Variants in RNF19A observed in about 807,000 individuals in gnomAD.
RNF19A encodes E3 ubiquitin-protein ligase RNF19A.
In RNF19A, 32 loss-of-function variants were observed where a neutral mutation model predicts 75.7. The observed-to-expected ratio is 0.42, with a 90% CI of 0.32 to 0.57. RNF19A has a LOEUF of 0.57. Among genes scored for constraint, RNF19A ranks in the 20% least tolerant of loss-of-function variants. The pLI is 0.10. For synonymous variants in RNF19A, 335 were observed against 345.2 expected, an observed-to-expected ratio of 0.97 and a Z score of 0.33; for missense variants, 782 against 1,036.3, an observed-to-expected ratio of 0.75 and a Z score of 3.37.
intron 1 of RNF19A, among the ~76,000 whole-genome samples, chr8:100,306,264 C>T (rs1013275823): frequency 3.3e-5 from 5 of 152,136 alleles, no homozygotes; most frequent in Non-Finnish European, 7.4e-5. Context: ...GATTTCTGAG[C>T]AGGATTTTTG....
Position 100,259,195 on chromosome 8 carries a change from T to C in RNF19A, c.1878A>G (p.Lys626=). 6.2e-7 allele frequency: 1 copy of C among 1,613,854 alleles called. No homozygotes were observed. The highest frequency in any genetic ancestry group is 8.5e-7 in the Non-Finnish European group (1 of 1,179,998). The change falls in exon 10 of 10, where the codon AAA becomes AAG. Residue 626 remains lysine (K), a synonymous_variant. Transcript: ENST00000341084. The surrounding 1 kb of genome is among the most constrained non-coding windows in gnomAD (Gnocchi z 4.5). ...VQVDIESKPS[K]FRHNSGSSSV... ...TACTGCTTCCACTGTTGTGCCTGAA[T>C]TTGGATGGCTTTGACTCAATATCTA...
At chr8:100,310,059 T>A, upstream of RNF19A, 1 of 985,556 alleles carries the variant, frequency 1.0e-6, no homozygotes, top group Non-Finnish European at 1.2e-6. Context: ...TCCGCAGTTG[T>A]GGCTCGACGG....
intron 2 of RNF19A, among the ~76,000 whole-genome samples, chr8:100,279,635 G>A (rs575046040): frequency 2.0e-5 from 3 of 152,140 alleles, no homozygotes; most frequent in Admixed American, 1.3e-4. Flanking sequence ...TCGCTGCAAC[G>A]TCCGCCTCCC....
chr8:100,311,550 C>T (rs181824178), upstream of RNF19A, among the ~76,000 whole-genome samples: 62 of 151,934 alleles, frequency 4.1e-4, no homozygotes, highest in African/African-American at 1.4e-3. Context: ...AACCCCGTCT[C>T]TACTAAAAAT....
At chr8:100,280,120 T>C (rs993934219) in intron 2 of RNF19A, among the ~76,000 whole-genome samples, 6 of 152,236 alleles carry the variant, frequency 3.9e-5, no homozygotes. Context: ...TGGCCAGTCA[T>C]TAAGGGGCAG....
Position 100,275,453 on chromosome 8 carries a change from T to C in RNF19A, c.675-292A>G, listed in dbSNP as rs117073092. ...GGGGTACATGTGCAAGTTTGTTACA[T>C]AGGTCTATTGCATGATGCTGAGGTT... On this transcript the variant is annotated intron_variant, in intron 2 of 9. Transcript: ENST00000341084. The surrounding 1 kb of genome is among the most constrained non-coding windows in gnomAD (Gnocchi z 4.3). 3.5e-3 allele frequency among the ~76,000 whole-genome samples: 525 copies of C among 152,038 alleles called. 1 individual carries two copies. The highest frequency in any genetic ancestry group is 5.8e-3 in the Non-Finnish European group (394 of 67,966).
In RNF19A at chr8:100,260,340, A is replaced by T. The variant is rs930600655; in HGVS notation, c.1683-343T>A. On this transcript the variant is annotated intron_variant, in intron 8 of 9. Transcript: ENST00000341084. This position sits in a 1 kb window ranked among gnomAD's most constrained non-coding sequence, Gnocchi z 4.1. ...AAACACAAAGTTAGAATACATTATT[A>T]ATCATTAAACATGACACACCAATGA... Among the ~76,000 whole-genome samples, 27 of 152,246 alleles carry T rather than the reference A, an allele frequency of 1.8e-4. No homozygotes were observed. The highest frequency in any genetic ancestry group is 6.3e-4 in the African/African-American group (26 of 41,472).
intron 2 of RNF19A, among the ~76,000 whole-genome samples, chr8:100,283,640 T>C (rs1820884153): frequency 6.6e-6 from 1 of 152,220 alleles, no homozygotes; most frequent in South Asian, 2.1e-4. Context: ...AGAACTCTTT[T>C]CTACTCTGTG....
Position 100,333,993 on chromosome 8 carries a change from A to AAGTATT in RNF19A, c.-243+2114_-243+2115insAATACT, listed in dbSNP as rs1822643429. On this transcript the variant is annotated intron_variant, in intron 1 of 3. Coordinates refer to the RNF19A transcript ENST00000519527. This position sits in a 1 kb window ranked among gnomAD's most constrained non-coding sequence, Gnocchi z 4.7. ...GTGTATTTACTACTACTGCCCAATA[A>AAGTATT]ACATCCTCCACCCTAGTTGGACTGG... 6.6e-6 allele frequency among the ~76,000 whole-genome samples: 1 copy of AAGTATT among 152,128 alleles called. No homozygotes were observed. Among genetic ancestry groups the AAGTATT allele is most frequent in the Non-Finnish European group, 1.5e-5 (1 of 68,028 alleles).
intron 1 of RNF19A, chr8:100,309,355 A>C (rs1470700904): frequency 2.0e-6 from 2 of 985,634 alleles, no homozygotes; most frequent in Admixed American, 1.2e-4. Flanking sequence ...TTGCGGGGCG[A>C]TGTCCCGGCT....
intron 5 of RNF19A, among the ~76,000 whole-genome samples, chr8:100,266,213 G>T (rs1435486748): frequency 6.6e-6 from 1 of 152,154 alleles, no homozygotes; most frequent in Non-Finnish European, 1.5e-5. Flanking sequence ...TGACTTAGCA[G>T]GTTTTCCTAG....
In RNF19A at chr8:100,261,529, C is replaced by T; in HGVS notation, c.1682+13G>A. On this transcript the variant is annotated intron_variant, in intron 8 of 9. Coordinates refer to ENST00000341084, the MANE Select transcript of RNF19A (RefSeq NM_183419.4). This position sits in a 1 kb window ranked among gnomAD's most constrained non-coding sequence, Gnocchi z 4.4. ...TACCAGAAAGCAGAACCAAACCAAA[C>T]CAAAACACACACCTGTTAAAACAGT... The T allele has an allele frequency of 6.2e-7, 1 of 1,612,520 alleles. No homozygotes were observed. The highest frequency in any genetic ancestry group is 8.5e-7 in the Non-Finnish European group (1 of 1,178,814).
rs1428069400 is a variant in RNF19A at position 100,258,855 on chromosome 8, T to C, written c.2218A>G (p.Lys740Glu). ...EFSCSDLESMKTSCSHGSSDY... is the reference protein window; with the variant it reads ...EFSCSDLESMETSCSHGSSDY... ...CTGGAACCATGACTACAAGAAGTTT[T>C]CATGCTTTCTAGGTCAGAACAACTA... is the stretch of plus-strand genomic sequence containing the variant. Residue 740 changes from lysine (K) to glutamate (E), a missense_variant, in exon 10 of 10, where the codon AAA (lysine) becomes GAA (glutamate). This residue lies in a region of RNF19A where 442 missense variants were observed against 541.6 expected (regional missense o/e 0.82). Transcript: ENST00000341084. The surrounding 1 kb of genome is among the most constrained non-coding windows in gnomAD (Gnocchi z 4.3). 2 of 1,614,070 alleles carry C rather than the reference T, an allele frequency of 1.2e-6. No individual in the cohort carries two copies. Among genetic ancestry groups the C allele is most frequent in the Non-Finnish European group, 1.7e-6 (2 of 1,180,046 alleles).
At chr8:100,321,335 G>C (rs1353613322) in intron 1 of RNF19A, among the ~76,000 whole-genome samples, 1 of 152,222 alleles carries the variant, frequency 6.6e-6, no homozygotes, top group East Asian at 1.9e-4. Context: ...TTCTCCAAGA[G>C]TAGATTCCAT....
intron 1 of RNF19A, among the ~76,000 whole-genome samples, chr8:100,296,121 T>A (rs1228973696): frequency 1.3e-5 from 2 of 152,230 alleles, no homozygotes; most frequent in Non-Finnish European, 2.9e-5. Flanking sequence ...TTTTTTCTTT[T>A]TTGAGACGGA....
At chr8:100,270,126 T>C in intron 3 of RNF19A, 113 bp from the exon 4 acceptor site, 1 of 861,354 alleles carries the variant, frequency 1.2e-6, no homozygotes, top group South Asian at 3.8e-5. Context: ...GTTTGTTAAC[T>C]TATAGCTTCA....
chr8:100,298,127 T>G (rs1821656318), intron 1 of RNF19A, among the ~76,000 whole-genome samples: 1 of 151,674 alleles, frequency 6.6e-6, no homozygotes, highest in African/African-American at 2.4e-5. Context: ...TATAATCACT[T>G]AAGTATTACC....
At chr8:100,294,601 C>A (rs1323438646) in intron 1 of RNF19A, among the ~76,000 whole-genome samples, 2 of 76,182 alleles carry the variant, frequency 2.6e-5, no homozygotes, top group African/African-American at 2.7e-4. Context: ...ATACTTCAAG[C>A]CAGTAAGACT....
chr8:100,331,461 C>T lies in RNF19A; in HGVS notation c.-243+4647G>A, dbSNP rs1225709385. Among the ~76,000 whole-genome samples the T allele has an allele frequency of 4.0e-5, 6 of 151,844 alleles. No individual in the cohort carries two copies. Among genetic ancestry groups the T allele is most frequent in the African/African-American group, 1.5e-4 (6 of 41,300 alleles). On this transcript the variant is annotated intron_variant, in intron 1 of 3. Coordinates refer to the RNF19A transcript ENST00000519527. The surrounding 1 kb of genome is among the most constrained non-coding windows in gnomAD (Gnocchi z 5.2). The stretch of plus-strand genomic sequence containing the variant: ...GACCAGCCTGGACAACATGGTGAAA[C>T]TCCATCTCTACAAAATATTTTAAAA...
Sources: allele counts gnomAD v4.1 joint callset (sites outside exome capture counted in the v4.1 genomes callset), GRCh38; gene constraint gnomAD v4.1.1; regional missense constraint gnomAD v4.1.1; non-coding constraint Gnocchi (gnomAD v3.1); transcripts MANE v1.5; gene names NCBI Gene and HGNC (gene_info 2026-07-23, HGNC 2026-07-21).